The following AGBL4 variants were observed in gnomAD, a reference collection of about 807,000 sequenced individuals.
AGBL4 encodes the protein cytosolic carboxypeptidase 6.
In AGBL4, 58 loss-of-function variants were observed where a neutral mutation model predicts 66.4. The observed-to-expected ratio is 0.87, with a 90% confidence interval of 0.71 to 1.09. AGBL4 has a LOEUF of 1.09. AGBL4 is among the 50% of genes least tolerant of loss of function. AGBL4 has a pLI of 0.00. For missense variants in AGBL4, 579 were observed against 631.0 expected (o/e 0.92, Z 0.88); for synonymous variants, 234 against 222.9 (o/e 1.05, Z -0.44).
At chr1:49,227,996 G>A (rs1445571720) in intron 4 of AGBL4, among the ~76,000 whole-genome samples, 1 of 152,050 alleles carries the variant, frequency 6.6e-6, no homozygotes, top group African/African-American at 2.4e-5. Context: ...CAAATTCAAA[G>A]ATCTCTATAC....
At chr1:48,561,882 T>C (rs1644402036) in intron 11 of AGBL4, among the ~76,000 whole-genome samples, 1 of 152,198 alleles carries the variant, frequency 6.6e-6, no homozygotes, top group South Asian at 2.1e-4. Context: ...ACTGCAGATT[T>C]GGGACTTCTC....
chr1:48,582,977 C>A (rs1644762264), intron 11 of AGBL4, among the ~76,000 whole-genome samples: 1 of 152,170 alleles, frequency 6.6e-6, no homozygotes, highest in East Asian at 1.9e-4. Flanking sequence ...CCTTGGGATT[C>A]TCTGCAGCCC....
intron 6 of AGBL4, 74 bp from the exon 7 acceptor site, chr1:48,663,315 G>A (rs546153756): frequency 2.1e-5 from 29 of 1,396,612 alleles, no homozygotes; most frequent in Non-Finnish European, 2.7e-5. Flanking sequence ...GTGTGGCAGG[G>A]AACCCCAGAG....
At chr1:48,541,081 T>G (rs1310809717) in intron 11 of AGBL4, among the ~76,000 whole-genome samples, 1 of 152,226 alleles carries the variant, frequency 6.6e-6, no homozygotes, top group Non-Finnish European at 1.5e-5. Context: ...CTACTCCCCT[T>G]GCCCTTCACA....
intron 3 of AGBL4, among the ~76,000 whole-genome samples, chr1:49,321,913 C>G (rs1472270412): frequency 2.0e-5 from 3 of 152,294 alleles, no homozygotes; most frequent in Non-Finnish European, 4.4e-5. Context: ...GACCCTACAG[C>G]TTTCTTTTCT....
intron 9 of AGBL4, among the ~76,000 whole-genome samples, chr1:48,624,043 A>G (rs1235121243): frequency 6.6e-6 from 1 of 152,214 alleles, no homozygotes; most frequent in Non-Finnish European, 1.5e-5. Context: ...TGTAAATTGA[A>G]TAGATATCAG....
intron 3 of AGBL4, among the ~76,000 whole-genome samples, chr1:49,654,450 C>T (rs962700980): frequency 1.3e-5 from 2 of 152,068 alleles, no homozygotes; most frequent in Non-Finnish European, 2.9e-5. Context: ...CTGCTTGGTG[C>T]AGAGCTGAAT....
At chr1:49,969,938 T>C (rs1044163231) in intron 1 of AGBL4, among the ~76,000 whole-genome samples, 2 of 152,000 alleles carry the variant, frequency 1.3e-5, no homozygotes, top group Admixed American at 1.3e-4. Flanking sequence ...AACCCAGAAA[T>C]AAACACACAC....
At chr1:49,709,362 G>A (rs1020115929) in intron 2 of AGBL4, among the ~76,000 whole-genome samples, 2 of 152,166 alleles carry the variant, frequency 1.3e-5, no homozygotes, top group Non-Finnish European at 1.5e-5. Context: ...TACTGTGAGG[G>A]AAAAACCACC....
chr1:49,594,118 G>A (rs1400605182), intron 3 of AGBL4, among the ~76,000 whole-genome samples: 8 of 152,078 alleles, frequency 5.3e-5, no homozygotes, highest in African/African-American at 1.9e-4. Flanking sequence ...CAAATCCTAT[G>A]AATACTGTAT....
intron 3 of AGBL4, among the ~76,000 whole-genome samples, chr1:49,291,191 T>C (rs908931484): frequency 6.6e-6 from 1 of 152,214 alleles, no homozygotes; most frequent in African/African-American, 2.4e-5. Flanking sequence ...ATTAATAATT[T>C]AAACCTTCTC....
At chr1:49,019,940 C>T (rs1369110138) in intron 5 of AGBL4, among the ~76,000 whole-genome samples, 1 of 152,194 alleles carries the variant, frequency 6.6e-6, no homozygotes, top group Non-Finnish European at 1.5e-5. Context: ...CAGGATAATA[C>T]ACACAAAGAA....
intron 6 of AGBL4, among the ~76,000 whole-genome samples, chr1:48,713,067 C>T (rs1420224924): frequency 6.6e-6 from 1 of 152,194 alleles, no homozygotes; most frequent in Non-Finnish European, 1.5e-5. Flanking sequence ...CAACTGATGC[C>T]CACACAGTGC....
At chr1:49,439,997 C>A (rs534283280) in intron 3 of AGBL4, among the ~76,000 whole-genome samples, 95 of 150,214 alleles carry the variant, frequency 6.3e-4, no homozygotes, top group African/African-American at 2.3e-3. Context: ...GGAAGGGGTT[C>A]TTTCATTGGT....
chr1:48,729,918 C>G (rs1023252126), intron 6 of AGBL4, among the ~76,000 whole-genome samples: 3 of 152,154 alleles, frequency 2.0e-5, no homozygotes, highest in African/African-American at 7.2e-5. Context: ...AGGTAGGAGG[C>G]CCTGTCTCTC....
intron 6 of AGBL4, among the ~76,000 whole-genome samples, chr1:48,706,692 C>T (rs189388287): frequency 3.9e-5 from 6 of 152,210 alleles, no homozygotes; most frequent in East Asian, 1.9e-4. Flanking sequence ...GTAAATTTGA[C>T]GACAAAATCC....
At chr1:48,853,210 A>G (rs987099584) in intron 6 of AGBL4, among the ~76,000 whole-genome samples, 2 of 152,076 alleles carry the variant, frequency 1.3e-5, no homozygotes, top group East Asian at 3.9e-4. Flanking sequence ...GCACCAACCT[A>G]CCATCCATAG....
intron 1 of AGBL4, among the ~76,000 whole-genome samples, chr1:49,972,355 T>A (rs1207762529): frequency 1.3e-5 from 2 of 152,162 alleles, no homozygotes; most frequent in African/African-American, 4.8e-5. Context: ...CCAATGCCTA[T>A]TATTCCACTC....
intron 2 of AGBL4, among the ~76,000 whole-genome samples, chr1:49,728,584 T>C (rs958937875): frequency 6.6e-6 from 1 of 152,060 alleles, no homozygotes; most frequent in Non-Finnish European, 1.5e-5. Context: ...TGATGTGCCA[T>C]ACCCAGCTCA....
Sources: allele counts gnomAD v4.1 joint callset (sites outside exome capture counted in the v4.1 genomes callset), GRCh38; gene constraint gnomAD v4.1.1; transcripts MANE v1.5; gene names NCBI Gene and HGNC (gene_info 2026-07-23, HGNC 2026-07-21).